HDAC9: variants seen among roughly 807,000 people sequenced by gnomAD.
HDAC9 encodes histone deacetylase 9.
In HDAC9, 41 loss-of-function variants were observed where a neutral mutation model predicts 139.4. The observed-to-expected ratio is 0.29, with a 90% confidence interval of 0.23 to 0.38. HDAC9 has a LOEUF of 0.38. Ranked by LOEUF, HDAC9 falls within the 10% of genes least tolerant of loss-of-function variation. The pLI, the probability that HDAC9 is intolerant of heterozygous loss-of-function variation, is 1.00. For missense variants in HDAC9, 1,147 were observed against 1,297.0 expected (o/e 0.88, Z 1.78); for synonymous variants, 517 against 476.2 (o/e 1.09, Z -1.12).
At chr7:18,223,883 CT>C (rs1246740173) in intron 2 of HDAC9, among the ~76,000 whole-genome samples, 2 of 152,114 alleles carry the variant, frequency 1.3e-5, no homozygotes, top group African/African-American at 4.8e-5. Flanking sequence ...TCACACATAT[CT>C]TTTCTTCCAG....
intron 22 of HDAC9, among the ~76,000 whole-genome samples, chr7:18,926,992 C>G (rs937643141): frequency 6.6e-6 from 1 of 152,076 alleles, no homozygotes; most frequent in South Asian, 2.1e-4. Context: ...AATTGATTTC[C>G]GGATTCAGTG....
At chr7:18,918,960 C>A (rs780773421) in intron 22 of HDAC9, among the ~76,000 whole-genome samples, 1 of 151,980 alleles carries the variant, frequency 6.6e-6, no homozygotes, top group Non-Finnish European at 1.5e-5. Flanking sequence ...AGTAATATTA[C>A]ATGTTTCAGA....
At chr7:18,729,392 T>C (rs1358845949) in intron 13 of HDAC9, among the ~76,000 whole-genome samples, 1 of 152,138 alleles carries the variant, frequency 6.6e-6, no homozygotes, top group Non-Finnish European at 1.5e-5. Flanking sequence ...TGTATATTAC[T>C]GTAATCCTAT....
At chr7:18,449,890 T>C (rs1212480589) in intron 1 of HDAC9, among the ~76,000 whole-genome samples, 1 of 152,204 alleles carries the variant, frequency 6.6e-6, no homozygotes, top group Non-Finnish European at 1.5e-5. Context: ...TATACTCATG[T>C]CTTTTCTATT....
intron 1 of HDAC9, among the ~76,000 whole-genome samples, chr7:18,471,745 C>T (rs1586140495): frequency 6.6e-6 from 1 of 152,220 alleles, no homozygotes; most frequent in East Asian, 1.9e-4. Flanking sequence ...GGGCAAGTGC[C>T]TGTTGTTTGG....
chr7:18,712,946 G>A (rs927400204), intron 12 of HDAC9, among the ~76,000 whole-genome samples: 1 of 152,102 alleles, frequency 6.6e-6, no homozygotes, highest in African/African-American at 2.4e-5. Context: ...AGCTGAATCT[G>A]TAGCACTAAA....
chr7:18,602,586 A>G (rs1466271168), intron 6 of HDAC9, among the ~76,000 whole-genome samples: 1 of 151,950 alleles, frequency 6.6e-6, no homozygotes, highest in Non-Finnish European at 1.5e-5. Flanking sequence ...ACACAATGCT[A>G]TAAATTTGCC....
chr7:18,723,255 A>G (rs780637741), intron 12 of HDAC9, among the ~76,000 whole-genome samples: 11 of 152,310 alleles, frequency 7.2e-5, no homozygotes, highest in Non-Finnish European at 1.3e-4. Context: ...GCATTCATTT[A>G]AAACTGAAAA....
At chr7:18,135,767 G>A (rs1317927850) in intron 1 of HDAC9, among the ~76,000 whole-genome samples, 7 of 148,928 alleles carry the variant, frequency 4.7e-5, no homozygotes. Context: ...AAACATACGT[G>A]TGCATGTGTC....
intron 1 of HDAC9, among the ~76,000 whole-genome samples, chr7:18,124,287 C>T (rs539688600): frequency 6.6e-6 from 1 of 152,136 alleles, no homozygotes; most frequent in African/African-American, 2.4e-5. Flanking sequence ...TTCCATACAG[C>T]AATAGCCTAG....
chr7:18,946,994 C>T (rs115839964), intron 23 of HDAC9, among the ~76,000 whole-genome samples: 2,773 of 151,840 alleles, frequency 0.018, 78 homozygotes, highest in African/African-American at 0.062. Flanking sequence ...ATTAGAAAAT[C>T]GTATATATTT....
intron 12 of HDAC9, among the ~76,000 whole-genome samples, chr7:18,680,185 CTT>C (rs1302466896): frequency 1.3e-5 from 2 of 151,944 alleles, no homozygotes; most frequent in Non-Finnish European, 2.9e-5. Flanking sequence ...CAGTGGCAAA[CTT>C]AGAGAAAATT....
intron 2 of HDAC9, among the ~76,000 whole-genome samples, chr7:18,178,608 C>G (rs1789151021): frequency 1.3e-5 from 2 of 152,198 alleles, no homozygotes; most frequent in Non-Finnish European, 2.9e-5. Flanking sequence ...AACCACCTCT[C>G]TCCCAAAACA....
chr7:18,556,485 T>C (rs1818840142), intron 2 of HDAC9, among the ~76,000 whole-genome samples: 2 of 152,084 alleles, frequency 1.3e-5, no homozygotes, highest in South Asian at 4.1e-4. Flanking sequence ...TTAAATTCTT[T>C]TACGATAGCA....
chr7:18,176,668 G>T (rs28377653), intron 2 of HDAC9, among the ~76,000 whole-genome samples: 20,463 of 152,058 alleles, frequency 0.13, 2,245 homozygotes, highest in African/African-American at 0.3. Context: ...TTTATTTTCA[G>T]TTCAGAGGTA....
At chr7:18,597,554 T>C (rs1024637669) in intron 6 of HDAC9, among the ~76,000 whole-genome samples, 3 of 152,154 alleles carry the variant, frequency 2.0e-5, no homozygotes, top group African/African-American at 7.2e-5. Context: ...CCTGGCACTT[T>C]GGAAATGGTA....
At chr7:18,943,924 G>C (rs1401974279) in intron 23 of HDAC9, among the ~76,000 whole-genome samples, 1 of 152,098 alleles carries the variant, frequency 6.6e-6, no homozygotes, top group Non-Finnish European at 1.5e-5. Flanking sequence ...TGTCAGTGTA[G>C]TAACTTGATT....
chr7:18,879,142 G>A (rs1384361561), intron 22 of HDAC9, among the ~76,000 whole-genome samples: 1 of 152,074 alleles, frequency 6.6e-6, no homozygotes, highest in African/African-American at 2.4e-5. Context: ...ACAAAACTCT[G>A]CTCAAAGAAA....
At chr7:18,563,963 A>C (rs1387810656) in intron 2 of HDAC9, among the ~76,000 whole-genome samples, 2 of 151,566 alleles carry the variant, frequency 1.3e-5, no homozygotes, top group Non-Finnish European at 2.9e-5. Context: ...AGCCTCCAAA[A>C]TAGCTGGGAC....
Sources: gnomAD v4.1 joint callset for allele counts (sites outside exome capture counted in the v4.1 genomes callset) on GRCh38, gnomAD v4.1.1 for gene constraint, MANE v1.5 for transcripts, NCBI Gene and HGNC (gene_info 2026-07-23, HGNC 2026-07-21) for gene names.